GON4L: variants seen among roughly 807,000 people sequenced by gnomAD.
The protein encoded by GON4L is GON-4-like protein.
In GON4L, 87 loss-of-function variants were observed where a neutral mutation model predicts 211.8. The observed-to-expected ratio is 0.41, with a 90% CI of 0.35 to 0.49. The LOEUF (loss-of-function observed/expected upper bound fraction) is 0.49, where lower values mean the gene tolerates loss of function less well. Ranked by LOEUF, GON4L falls within the 20% of genes least tolerant of loss-of-function variation. The probability of loss-of-function intolerance (pLI) is 0.15; values close to 1 mark genes in which losing one functional copy is unlikely to be tolerated. For synonymous variants in GON4L, 875 were observed against 962.6 expected (o/e 0.91, Z 1.68); for missense variants, 2,155 against 2,659.5 (o/e 0.81, Z 4.17).
chr1:155,817,147 C>T (rs544774913), intron 6 of GON4L, among the ~76,000 whole-genome samples: 83 of 152,028 alleles, frequency 5.5e-4, no homozygotes, highest in Non-Finnish European at 1.1e-3. Context: ...GCCTCCTCAC[C>T]AGGCCTCACT....
intron 11 of GON4L, among the ~76,000 whole-genome samples, chr1:155,802,432 T>C (rs1314308596): frequency 1.3e-5 from 2 of 152,158 alleles, no homozygotes; most frequent in African/African-American, 4.8e-5. Context: ...GAATATATCC[T>C]ACAGAATCCA....
intron 12 of GON4L, among the ~76,000 whole-genome samples, chr1:155,794,561 C>T (rs1665901442): frequency 6.6e-6 from 1 of 152,010 alleles, no homozygotes; most frequent in Admixed American, 6.6e-5. Flanking sequence ...CCTCTCTGTC[C>T]CTATTCACCA....
intron 12 of GON4L, among the ~76,000 whole-genome samples, chr1:155,788,417 C>T (rs529241109): frequency 5.1e-4 from 78 of 152,282 alleles, no homozygotes; most frequent in African/African-American, 1.5e-3. Flanking sequence ...TAAACATACC[C>T]TGTGACCCAG....
In GON4L at chr1:155,853,595, CTG is replaced by C; in HGVS notation, c.184_185del (p.Gln62ValfsTer34). The C allele has an allele frequency of 1.2e-6, 2 of 1,614,156 alleles. No individual in the cohort carries two copies. The highest frequency in any genetic ancestry group is 1.7e-6 in the Non-Finnish European group (2 of 1,179,984). ...GCTGATTTCCTGCATCCTGCAAAGA[CTG>C]TACTTCGAAGCCAGCTACTCTGCCA... Reference protein sequence around the residue: ...SHGRVAGFEVQSLQDAGNQLG... With the variant: ...SHGRVAGFEVXSLQDAGNQLG... On this transcript the variant is annotated frameshift_variant, in exon 2 of 32. Coordinates refer to ENST00000368331, the MANE Select transcript of GON4L (RefSeq NM_001282860.2). LOFTEE classifies it high-confidence loss of function.
intron 10 of GON4L, among the ~76,000 whole-genome samples, chr1:155,808,258 AG>A (rs1667347930): frequency 6.6e-6 from 1 of 151,922 alleles, no homozygotes; most frequent in Admixed American, 6.6e-5. Flanking sequence ...AGGCTGGTCT[AG>A]AACTCCTGAC....
intron 21 of GON4L, among the ~76,000 whole-genome samples, chr1:155,764,019 CAAACAAA>C (rs1662135347): frequency 3.1e-5 from 1 of 32,358 alleles, no homozygotes; most frequent in Non-Finnish European, 1.7e-4. Flanking sequence ...AAAACAAAAA[CAAACAAA>C]AAAAAAACAC....
intron 12 of GON4L, among the ~76,000 whole-genome samples, chr1:155,788,086 G>A (rs960502099): frequency 6.6e-6 from 1 of 152,134 alleles, no homozygotes; most frequent in African/African-American, 2.4e-5. Flanking sequence ...CCACCTTCCG[G>A]CTTCAAGCAA....
chr1:155,851,437 C>T (rs990804210), intron 2 of GON4L, among the ~76,000 whole-genome samples: 1 of 150,636 alleles, frequency 6.6e-6, no homozygotes, highest in Non-Finnish European at 1.5e-5. Flanking sequence ...CAATCTAGGC[C>T]GGGCGCAGTG....
intron 27 of GON4L, among the ~76,000 whole-genome samples, chr1:155,755,910 C>G (rs376257857): frequency 1.4e-4 from 21 of 150,552 alleles, no homozygotes; most frequent in African/African-American, 5.1e-4. Context: ...TTCCCAAGGT[C>G]ATACAGCTAC....
intron 2 of GON4L, among the ~76,000 whole-genome samples, chr1:155,843,029 G>A (rs1363079898): frequency 6.6e-6 from 1 of 152,098 alleles, no homozygotes; most frequent in Non-Finnish European, 1.5e-5. Context: ...GGCACAAGAG[G>A]AGGACACCAT....
chr1:155,845,671 A>G, intron 2 of GON4L: 1 of 313,916 alleles, frequency 3.2e-6, no homozygotes. Context: ...GCCCTAAACT[A>G]CACAAGAATG....
Position 155,805,849 on chromosome 1 carries a change from C to G in GON4L, c.1453-708G>C, listed in dbSNP as rs117796028. 1.6e-3 allele frequency among the ~76,000 whole-genome samples: 246 copies of G among 151,194 alleles called. 2 individuals are homozygous for G. In the East Asian group the frequency reaches 0.042, roughly 26 times the overall value. On this transcript the variant is annotated intron_variant, in intron 10 of 31. Coordinates refer to ENST00000368331, the MANE Select transcript of GON4L (RefSeq NM_001282860.2). The stretch of plus-strand genomic sequence containing the variant: ...GGATTACAGGCACCAGCCACGACAT[C>G]TGACTAATTTTTGTATTTTTACTAG...
At chr1:155,803,232 A>G (rs900775584) in intron 11 of GON4L, among the ~76,000 whole-genome samples, 2 of 150,680 alleles carry the variant, frequency 1.3e-5, no homozygotes, top group African/African-American at 4.9e-5. Context: ...CCATTTACTC[A>G]GTCTATTTCT....
rs1247799018 is a variant in GON4L at position 155,757,890 on chromosome 1, C to T, written c.5253+1G>A. 6.4e-6 allele frequency: 2 copies of T among 313,254 alleles called. No homozygotes were observed. Among genetic ancestry groups the T allele is most frequent in the Non-Finnish European group, 1.1e-5 (2 of 185,680 alleles). 19.4% of individuals were successfully genotyped at this position (313,254 alleles called of 1,614,324 possible). A position where few individuals can be genotyped will look rare whatever the true frequency, so the allele number is the denominator to read the frequency against. Reference sequence around the variant, plus strand: ...GAAGAAAGCAGGACAGGAAAGAATACCTCGGTGATCTCCTGGGGAAGGCAG... The same window carrying T: ...GAAGAAAGCAGGACAGGAAAGAATATCTCGGTGATCTCCTGGGGAAGGCAG... On this transcript the variant is annotated splice_donor_variant, in intron 25 of 31. Transcript: ENST00000368331. LOFTEE classifies it high-confidence loss of function.
chr1:155,805,887 A>G (rs1402517445), intron 10 of GON4L, among the ~76,000 whole-genome samples: 2 of 151,256 alleles, frequency 1.3e-5, no homozygotes, highest in Admixed American at 6.6e-5. Flanking sequence ...ACGGAGCTTC[A>G]CCATGTTGGG....
rs183565704 is a variant in GON4L at position 155,779,867 on chromosome 1, G to A, written c.1893-2047C>T. 1.4e-4 allele frequency among the ~76,000 whole-genome samples: 22 copies of A among 151,894 alleles called. No homozygotes were observed. In the South Asian group the frequency reaches 1.5e-3, roughly 10 times the overall value. ...GGCTGGACTGCAGTGGCATGATCTC[G>A]GCTCACTGCAACCTCTGTCTCCTGG... On this transcript the variant is annotated intron_variant, in intron 14 of 31. Transcript: ENST00000368331.
chr1:155,763,673 T>C, intron 21 of GON4L, 109 bp from the exon 22 acceptor site: 2 of 954,722 alleles, frequency 2.1e-6, no homozygotes, highest in Non-Finnish European at 3.1e-6. Context: ...GGGAGCCCAC[T>C]ACAGCTGTCC....
chr1:155,748,483 A>G, downstream of GON4L: 2 of 1,612,744 alleles, frequency 1.2e-6, no homozygotes, highest in South Asian at 1.1e-5. Context: ...GTTCCTCTCC[A>G]GTTTCCATGG....
chr1:155,799,599 C>T (rs1434274385), intron 11 of GON4L, among the ~76,000 whole-genome samples: 1 of 152,142 alleles, frequency 6.6e-6, no homozygotes, highest in Non-Finnish European at 1.5e-5. Flanking sequence ...ATCCCTAGAC[C>T]ATACTCATTA....
Sources: gnomAD v4.1 joint callset for allele counts (sites outside exome capture counted in the v4.1 genomes callset) on GRCh38, gnomAD v4.1.1 for gene constraint, MANE v1.5 for transcripts, NCBI Gene and HGNC (gene_info 2026-07-23, HGNC 2026-07-21) for gene names.